The following NEK10 variants were observed in gnomAD, a reference collection of about 807,000 sequenced individuals.
NEK10 encodes NIMA related kinase 10, also known as serine/threonine-protein kinase Nek10.
Under a neutral mutation model 159.8 loss-of-function variants are expected in NEK10, and 122 were observed. The observed-to-expected ratio is 0.76, with a 90% CI of 0.66 to 0.89. The LOEUF (loss-of-function observed/expected upper bound fraction) is 0.89. Ranked by LOEUF, NEK10 falls within the 40% of genes least tolerant of loss-of-function variation. The pLI, the probability that NEK10 is intolerant of heterozygous loss-of-function variation, is 0.00. For synonymous variants in NEK10, 466 were observed against 457.1 expected (o/e 1.02, Z -0.25); for missense variants, 1,342 against 1,323.1 (o/e 1.01, Z -0.22).
rs1436729677 is a variant in NEK10 at position 27,290,735 on chromosome 3, T to C, written c.1625A>G (p.Gln542Arg). Residue 542 changes from glutamine to arginine, a missense_variant, in exon 19 of 36, where the codon CAA (glutamine) becomes CGA (arginine). By Grantham distance (43) the Gln-to-Arg change is conservative (BLOSUM62 1). Transcript: ENST00000691995. ...CVYKVRKHSGQNLLAMKEVNL... is the reference protein window; with the variant it reads ...CVYKVRKHSGRNLLAMKEVNL... ...GACCTCTTTCATTGCTAAAAGATTT[T>C]GACCACTATGCTTTCTAACCTAAAA... The C allele has an allele frequency of 1.2e-6, 2 of 1,608,490 alleles. No individual in the cohort carries two copies. The highest frequency in any genetic ancestry group is 1.7e-5 in the Admixed American group (1 of 59,594).
At chr3:27,207,385 T>A (rs1180934852) in intron 23 of NEK10, among the ~76,000 whole-genome samples, 1 of 152,020 alleles carries the variant, frequency 6.6e-6, no homozygotes, top group Non-Finnish European at 1.5e-5. Context: ...AAGAAGTAAC[T>A]CATTGACAAT....
chr3:27,150,752 G>T (rs1944772320), intron 30 of NEK10, among the ~76,000 whole-genome samples: 1 of 152,170 alleles, frequency 6.6e-6, no homozygotes, highest in Non-Finnish European at 1.5e-5. Context: ...TATTATTTCA[G>T]AAATCCGTTT....
chr3:27,173,619 G>A lies in NEK10; in HGVS notation c.2776+820C>T, dbSNP rs192272020. ...AGCTAAATCCTTAGGGTTCTACTTTGATCCTTAGAGAAGCTATTTTAAATG... is the reference window on the plus strand; with the variant it reads ...AGCTAAATCCTTAGGGTTCTACTTTAATCCTTAGAGAAGCTATTTTAAATG... On this transcript the variant is annotated intron_variant, in intron 28 of 35. Coordinates refer to ENST00000691995, the MANE Select transcript of NEK10 (RefSeq NM_001394966.1). 3.3e-5 allele frequency among the ~76,000 whole-genome samples: 5 copies of A among 152,260 alleles called. No individual in the cohort carries two copies. In the East Asian group the frequency reaches 9.7e-4, roughly 29 times the overall value.
In NEK10 at chr3:27,346,157, G is replaced by T; in HGVS notation, c.192C>A (p.Ile64=). The T allele has an allele frequency of 1.2e-6, 2 of 1,613,248 alleles. No homozygotes were observed. Among genetic ancestry groups the T allele is most frequent in the Non-Finnish European group, 1.7e-6 (2 of 1,179,234 alleles). Residue 64 remains isoleucine (I), a synonymous_variant, in exon 4 of 36, where the codon ATC becomes ATA. Coordinates refer to ENST00000691995, the MANE Select transcript of NEK10 (RefSeq NM_001394966.1). ...CCCGAGCTCTGTGTCCACCCGCCCT[G>T]ATGGCGGGCTCAGACTTCGTCATGC... ...QNSMTKSEPA[I]RAGGHRARGQ... is the part of the protein sequence containing the mutation.
intron 23 of NEK10, among the ~76,000 whole-genome samples, chr3:27,237,585 G>T (rs1440547887): frequency 6.6e-6 from 1 of 151,492 alleles, no homozygotes; most frequent in African/African-American, 2.4e-5. Context: ...TCAATTATTA[G>T]TGGGAGCTAA....
At chr3:27,279,925 T>G (rs1050705708) in intron 22 of NEK10, among the ~76,000 whole-genome samples, 60 of 152,128 alleles carry the variant, frequency 3.9e-4, no homozygotes, top group African/African-American at 1.3e-3. Flanking sequence ...ATCCCAGCAC[T>G]TTGGGAGGCC....
intron 33 of NEK10, among the ~76,000 whole-genome samples, chr3:27,117,263 T>C (rs1163943433): frequency 6.6e-6 from 1 of 152,232 alleles, no homozygotes; most frequent in Non-Finnish European, 1.5e-5. Context: ...GTCTTCACTA[T>C]TGTGAATAGT....
chr3:27,264,484 A>T (rs1481678417), intron 22 of NEK10, among the ~76,000 whole-genome samples: 1 of 152,192 alleles, frequency 6.6e-6, no homozygotes, highest in Non-Finnish European at 1.5e-5. Flanking sequence ...GGCTAATTTG[A>T]CTTTTAAAAA....
intron 31 of NEK10, among the ~76,000 whole-genome samples, chr3:27,137,579 A>G (rs1001289750): frequency 6.6e-6 from 1 of 152,200 alleles, no homozygotes; most frequent in African/African-American, 2.4e-5. Context: ...CTCAATATAG[A>G]TATGGCAGAT....
intron 22 of NEK10, among the ~76,000 whole-genome samples, chr3:27,276,815 A>C (rs1368743111): frequency 6.6e-6 from 1 of 152,004 alleles, no homozygotes; most frequent in East Asian, 1.9e-4. Flanking sequence ...CATTGGAAAA[A>C]CCCACATCAT....
At chr3:27,233,057 A>C (rs1953482504) in intron 23 of NEK10, among the ~76,000 whole-genome samples, 1 of 152,150 alleles carries the variant, frequency 6.6e-6, no homozygotes, top group Admixed American at 6.6e-5. Context: ...TAAACTAAAA[A>C]CCTTCTGCAC....
intron 1 of NEK10, among the ~76,000 whole-genome samples, chr3:27,360,666 A>G (rs984522292): frequency 1.3e-5 from 2 of 152,170 alleles, no homozygotes; most frequent in Non-Finnish European, 2.9e-5. Flanking sequence ...TGATGTTTGC[A>G]TAACTTCACC....
intron 8 of NEK10, 175 bp from the exon 9 acceptor site, chr3:27,311,191 C>T: frequency 2.1e-6 from 1 of 471,738 alleles, no homozygotes; most frequent in Non-Finnish European, 3.7e-6. Flanking sequence ...AAGAATTACT[C>T]CTCAAGCTCC....
chr3:27,333,776 C>A (rs1282015352), intron 5 of NEK10, among the ~76,000 whole-genome samples: 1 of 152,052 alleles, frequency 6.6e-6, no homozygotes, highest in African/African-American at 2.4e-5. Flanking sequence ...TATGCACTAT[C>A]CTGGAAGCCA....
At chr3:27,212,558 G>A (rs931767416) in intron 23 of NEK10, among the ~76,000 whole-genome samples, 2 of 152,210 alleles carry the variant, frequency 1.3e-5, no homozygotes, top group African/African-American at 4.8e-5. Context: ...TCTGTCAACA[G>A]AAAACACAGA....
At chr3:27,296,901 G>C (rs576793602) in intron 14 of NEK10, among the ~76,000 whole-genome samples, 3 of 152,202 alleles carry the variant, frequency 2.0e-5, no homozygotes, top group South Asian at 4.1e-4. Flanking sequence ...GCAATTCAGA[G>C]TATCCCTTTT....
intron 26 of NEK10, 45 bp downstream of exon 26, chr3:27,191,984 G>C (rs1337248979): frequency 6.5e-7 from 1 of 1,535,346 alleles, no homozygotes; most frequent in Non-Finnish European, 9.0e-7. Context: ...ACTTCAGACA[G>C]CCCATTAGAG....
Position 27,297,167 on chromosome 3 carries a change from G to C in NEK10, c.1230+12C>G. On this transcript the variant is annotated intron_variant, in intron 14 of 35. Transcript: ENST00000691995. ...GTTATGGAGACCTGACCTTGAGAAG[G>C]AGTGCTCTCACCTGAACCACCTGGT... 6.3e-7 allele frequency: 1 copy of C among 1,591,570 alleles called. No homozygotes were observed. The highest frequency in any genetic ancestry group is 2.2e-5 in the East Asian group (1 of 44,748).
chr3:27,183,408 C>A (rs13062152), intron 26 of NEK10, among the ~76,000 whole-genome samples: 96,733 of 147,492 alleles, frequency 0.66, 33,599 homozygotes, highest in African/African-American at 0.91. Flanking sequence ...AAAAAAAAAA[C>A]CAAAAAGTCA....
Sources: gnomAD v4.1 joint callset for allele counts (sites outside exome capture counted in the v4.1 genomes callset) on GRCh38, gnomAD v4.1.1 for gene constraint, MANE v1.5 for transcripts, NCBI Gene and HGNC (gene_info 2026-07-23, HGNC 2026-07-21) for gene names.